Variants in SYCP1 observed in about 807,000 individuals in gnomAD.
The protein encoded by SYCP1 is cancer/testis antigen 8.
In SYCP1, 64 loss-of-function variants were observed where a neutral mutation model predicts 153.1. That is an observed-to-expected ratio of 0.42 (90% CI 0.34 to 0.51). The LOEUF is 0.51. Among genes scored for constraint, SYCP1 ranks in the 20% least tolerant of loss-of-function variants. The pLI, the probability that SYCP1 is intolerant of heterozygous loss-of-function variation, is 0.06. For missense variants in SYCP1, 997 were observed against 1,049.0 expected, an observed-to-expected ratio of 0.95 and a Z score of 0.68; for synonymous variants, 384 against 341.8, an observed-to-expected ratio of 1.12 and a Z score of -1.36.
At chr1:114,872,661 A>G (rs1002652318) in intron 8 of SYCP1, among the ~76,000 whole-genome samples, 1 of 151,740 alleles carries the variant, frequency 6.6e-6, no homozygotes, top group African/African-American at 2.4e-5. Context: ...TTCCCATTAT[A>G]CTTTTTGTAG....
intron 12 of SYCP1, among the ~76,000 whole-genome samples, chr1:114,885,040 T>G (rs1666199298): frequency 6.6e-6 from 1 of 152,126 alleles, no homozygotes; most frequent in South Asian, 2.1e-4. Context: ...TAATCAATAA[T>G]GAAAATAAAA....
chr1:114,864,894 G>C (rs892365302), intron 8 of SYCP1, among the ~76,000 whole-genome samples: 4 of 151,664 alleles, frequency 2.6e-5, no homozygotes, highest in Non-Finnish European at 4.4e-5. Context: ...TTAAGTTTTA[G>C]GGTACATGTG....
At chr1:114,922,588 G>A (rs1042262765) in intron 20 of SYCP1, among the ~76,000 whole-genome samples, 1 of 151,974 alleles carries the variant, frequency 6.6e-6, no homozygotes, top group African/African-American at 2.4e-5. Context: ...AAGCCATGAG[G>A]GATCCTCCCC....
chr1:114,985,221 T>A (rs911413930), intron 30 of SYCP1, among the ~76,000 whole-genome samples: 2 of 152,000 alleles, frequency 1.3e-5, no homozygotes. Context: ...CTGTGCCAAA[T>A]CTGTTATTTA....
In SYCP1 at chr1:114,913,037, A is replaced by C. The variant is rs1044923425; in HGVS notation, c.1534A>C (p.Lys512Gln). The change falls in exon 19 of 32, where the codon AAG (lysine) becomes CAG (glutamine). Residue 512 changes from lysine to glutamine, a missense_variant. This residue lies in a region of SYCP1 where 712 missense variants were observed against 682.9 expected (regional missense o/e 1.04). Coordinates refer to ENST00000369522, the MANE Select transcript of SYCP1 (RefSeq NM_003176.4). ...LKTELENEKLKNTELTSHCNK... is the reference protein window; with the variant it reads ...LKTELENEKLQNTELTSHCNK... ...ACTTTTTTTTTTAAAAAATAGGCTTAAGAATACTGAATTAACTTCACACTG... is the reference window on the plus strand; with the variant it reads ...ACTTTTTTTTTTAAAAAATAGGCTTCAGAATACTGAATTAACTTCACACTG... 9 of 1,601,510 alleles carry C rather than the reference A, an allele frequency of 5.6e-6. No homozygotes were observed. Among genetic ancestry groups the C allele is most frequent in the Non-Finnish European group, 7.7e-6 (9 of 1,175,002 alleles).
intron 8 of SYCP1, among the ~76,000 whole-genome samples, chr1:114,873,604 C>T (rs905949935): frequency 1.2e-4 from 19 of 152,124 alleles, no homozygotes; most frequent in Non-Finnish European, 7.4e-5. Flanking sequence ...TTGTTAAGAA[C>T]GGGACATATT....
intron 27 of SYCP1, among the ~76,000 whole-genome samples, chr1:114,972,919 A>G (rs887956710): frequency 2.6e-5 from 4 of 152,176 alleles, no homozygotes; most frequent in Middle Eastern, 3.2e-3. Flanking sequence ...CATTTGGTCT[A>G]TAGTGCAGAT....
At chr1:114,904,931 C>T (rs1667719170) in intron 16 of SYCP1, among the ~76,000 whole-genome samples, 1 of 152,140 alleles carries the variant, frequency 6.6e-6, no homozygotes, top group African/African-American at 2.4e-5. Context: ...TTTTCTGTGT[C>T]AATTTATATG....
At chr1:114,994,647 T>G (rs1395741710) in intron 30 of SYCP1, 51 bp from the exon 31 acceptor site, 1 of 1,346,650 alleles carries the variant, frequency 7.4e-7, no homozygotes, top group Non-Finnish European at 1.0e-6. Context: ...GTTAATAATA[T>G]AATATTAATG....
At chr1:114,983,397 C>T (rs1197865013) in intron 29 of SYCP1, among the ~76,000 whole-genome samples, 2 of 151,942 alleles carry the variant, frequency 1.3e-5, no homozygotes, top group South Asian at 2.1e-4. Context: ...TTGACAAATT[C>T]TGCCCCCTAC....
At chr1:114,956,182 A>T (rs1311792350) in intron 27 of SYCP1, among the ~76,000 whole-genome samples, 1 of 151,936 alleles carries the variant, frequency 6.6e-6, no homozygotes. Context: ...TGTCTGGGAG[A>T]TGTGTACCTG....
intron 23 of SYCP1, among the ~76,000 whole-genome samples, chr1:114,933,856 GA>G (rs1312016030): frequency 6.6e-6 from 1 of 152,182 alleles, no homozygotes. Context: ...GAAGTTTAGA[GA>G]AAAAAGAGTA....
intron 28 of SYCP1, among the ~76,000 whole-genome samples, chr1:114,979,155 C>G (rs1672986027): frequency 6.8e-6 from 1 of 146,764 alleles, no homozygotes; most frequent in Non-Finnish European, 1.5e-5. Context: ...TTTTGCTGTG[C>G]TTTATTCCAA....
chr1:114,897,007 T>A (rs573885987), intron 16 of SYCP1, among the ~76,000 whole-genome samples: 107 of 152,296 alleles, frequency 7.0e-4, no homozygotes, highest in African/African-American at 2.5e-3. Flanking sequence ...GGGGTCAGGC[T>A]CCTCTTTCTT....
At chr1:114,954,567 A>ATTTG (rs942964007) in intron 27 of SYCP1, among the ~76,000 whole-genome samples, 1 of 149,998 alleles carries the variant, frequency 6.7e-6, no homozygotes, top group Non-Finnish European at 1.5e-5. Flanking sequence ...TTATTTATTT[A>ATTTG]TTTATTTATT....
At chr1:114,936,580 G>C (rs1557815056) in intron 23 of SYCP1, among the ~76,000 whole-genome samples, 1 of 152,100 alleles carries the variant, frequency 6.6e-6, no homozygotes, top group Non-Finnish European at 1.5e-5. Flanking sequence ...AAGAAATAAA[G>C]GCTATTCAAT....
chr1:114,930,767 CA>C (rs1404577085), intron 23 of SYCP1, among the ~76,000 whole-genome samples: 1 of 151,424 alleles, frequency 6.6e-6, no homozygotes, highest in Admixed American at 6.6e-5. Context: ...CTAACAAAGA[CA>C]TTATAATAAA....
intron 23 of SYCP1, among the ~76,000 whole-genome samples, chr1:114,940,254 T>A (rs1019024412): frequency 6.6e-6 from 1 of 151,972 alleles, no homozygotes; most frequent in East Asian, 1.9e-4. Flanking sequence ...TGTGCCTCCA[T>A]GCCGGCTAAT....
At chr1:114,907,960 T>A (rs945976501) in intron 16 of SYCP1, among the ~76,000 whole-genome samples, 3 of 152,286 alleles carry the variant, frequency 2.0e-5, no homozygotes, top group African/African-American at 7.2e-5. Context: ...CATATGTTTT[T>A]TAAATAACTT....
Sources: gnomAD v4.1 joint callset for allele counts (sites outside exome capture counted in the v4.1 genomes callset) on GRCh38, gnomAD v4.1.1 for gene constraint, gnomAD v4.1.1 regional missense constraint, MANE v1.5 for transcripts, NCBI Gene and HGNC (gene_info 2026-07-23, HGNC 2026-07-21) for gene names.